Variants in PRKCA observed in about 807,000 individuals in gnomAD.
PRKCA encodes protein kinase C alpha type.
Under a neutral mutation model 87.0 loss-of-function variants are expected in PRKCA, and 27 were observed. The observed-to-expected ratio is 0.31, with a 90% CI of 0.23 to 0.43. PRKCA has a LOEUF of 0.43. PRKCA is among the 20% of genes least tolerant of loss of function. PRKCA has a pLI of 1.00. For missense variants in PRKCA, 518 were observed against 852.3 expected, an observed-to-expected ratio of 0.61 and a Z score of 4.88; for synonymous variants, 329 against 311.1, an observed-to-expected ratio of 1.06 and a Z score of -0.61.
At chr17:66,768,224 G>A (rs773054096) in intron 13 of PRKCA, among the ~76,000 whole-genome samples, 25 of 151,182 alleles carry the variant, frequency 1.7e-4, no homozygotes, top group Admixed American at 5.9e-4. Context: ...GATTACAAGC[G>A]TGAGCCACCA....
intron 2 of PRKCA, among the ~76,000 whole-genome samples, chr17:66,489,391 A>G (rs1037981812): frequency 1.6e-5 from 2 of 128,270 alleles, no homozygotes; most frequent in South Asian, 2.5e-4. Flanking sequence ...ATATATATAT[A>G]TATATTTCCC....
intron 2 of PRKCA, among the ~76,000 whole-genome samples, chr17:66,494,001 T>C (rs9891007): frequency 0.032 from 4,896 of 152,306 alleles, 219 homozygotes; most frequent in African/African-American, 0.1. Flanking sequence ...TGTTACTCTT[T>C]GTTCAGAACC....
intron 2 of PRKCA, among the ~76,000 whole-genome samples, chr17:66,446,275 A>C (rs1914034006): frequency 6.6e-6 from 1 of 152,012 alleles, no homozygotes; most frequent in Non-Finnish European, 1.5e-5. Flanking sequence ...ATTCACACTC[A>C]CACTCCCACC....
chr17:66,781,509 T>C (rs1975212808), intron 14 of PRKCA, among the ~76,000 whole-genome samples: 1 of 152,138 alleles, frequency 6.6e-6, no homozygotes, highest in Non-Finnish European at 1.5e-5. Context: ...CGGTTGTTTG[T>C]TTCCACAGCA....
chr17:66,653,506 G>A lies in PRKCA; in HGVS notation c.529+7995G>A, dbSNP rs562523793. Reference sequence around the variant, plus strand: ...CTCAGGAGGCTGAGGCAGAAGGATCGCTTGAACCCAGGAGTTCGAGGTAAC... The same window carrying A: ...CTCAGGAGGCTGAGGCAGAAGGATCACTTGAACCCAGGAGTTCGAGGTAAC... On this transcript the variant is annotated intron_variant, in intron 5 of 16. Coordinates refer to ENST00000413366, the MANE Select transcript of PRKCA (RefSeq NM_002737.3). Among the ~76,000 whole-genome samples, 14 of 152,266 alleles carry A rather than the reference G, an allele frequency of 9.2e-5. No individual in the cohort carries two copies. The East Asian group carries it at 1.9e-3, about 21-fold the overall frequency.
intron 14 of PRKCA, among the ~76,000 whole-genome samples, chr17:66,779,863 G>C (rs947043690): frequency 2.0e-5 from 3 of 152,188 alleles, no homozygotes; most frequent in African/African-American, 2.4e-5. Flanking sequence ...CATGGGAATG[G>C]GGGAAAGAGG....
chr17:66,548,680 C>T (rs1346869790), intron 3 of PRKCA, among the ~76,000 whole-genome samples: 2 of 152,072 alleles, frequency 1.3e-5, no homozygotes, highest in African/African-American at 2.4e-5. Flanking sequence ...TCTGCATGGG[C>T]CCTAAATGCC....
chr17:66,431,898 C>T (rs73333345), intron 2 of PRKCA, among the ~76,000 whole-genome samples: 1,702 of 152,192 alleles, frequency 0.011, 30 homozygotes, highest in African/African-American at 0.038. Flanking sequence ...CCTGAGGACC[C>T]GTCCCATGGA....
intron 2 of PRKCA, among the ~76,000 whole-genome samples, chr17:66,452,467 T>C (rs1914373467): frequency 6.6e-6 from 1 of 152,174 alleles, no homozygotes; most frequent in African/African-American, 2.4e-5. Context: ...ATAGCGAGAA[T>C]AAGGATCTGC....
intron 3 of PRKCA, among the ~76,000 whole-genome samples, chr17:66,624,639 A>G (rs968605994): frequency 3.9e-5 from 6 of 151,976 alleles, no homozygotes; most frequent in African/African-American, 7.2e-5. Flanking sequence ...CCTCTCTACT[A>G]AAAATACAAA....
At chr17:66,378,305 C>T (rs1909587245) in intron 2 of PRKCA, among the ~76,000 whole-genome samples, 1 of 152,134 alleles carries the variant, frequency 6.6e-6, no homozygotes. Flanking sequence ...CAGAGCGAGA[C>T]TCTGTATCAA....
intron 3 of PRKCA, among the ~76,000 whole-genome samples, chr17:66,577,471 A>G (rs2143437930): frequency 6.6e-6 from 1 of 152,180 alleles, no homozygotes; most frequent in Non-Finnish European, 1.5e-5. Flanking sequence ...AGTCCTCCAT[A>G]GCAGCCAGGA....
chr17:66,686,714 C>G (rs536274481), intron 5 of PRKCA, among the ~76,000 whole-genome samples: 1 of 152,218 alleles, frequency 6.6e-6, no homozygotes, highest in Admixed American at 6.5e-5. Flanking sequence ...TTGGGCTGGT[C>G]GCTTCCATGC....
At chr17:66,690,689 T>G (rs931674827) in intron 8 of PRKCA, among the ~76,000 whole-genome samples, 1 of 151,718 alleles carries the variant, frequency 6.6e-6, no homozygotes, top group Non-Finnish European at 1.5e-5. Flanking sequence ...TTAGCCGGGT[T>G]TGGTGGCATG....
chr17:66,373,403 G>A (rs989243359), intron 2 of PRKCA, among the ~76,000 whole-genome samples: 3 of 152,168 alleles, frequency 2.0e-5, no homozygotes, highest in African/African-American at 7.2e-5. Context: ...CGTACAGCCT[G>A]TAAATGTTCC....
intron 3 of PRKCA, among the ~76,000 whole-genome samples, chr17:66,525,787 A>C (rs75416590): frequency 0.023 from 3,442 of 152,270 alleles, 125 homozygotes; most frequent in African/African-American, 0.078. Flanking sequence ...TCCTGACTTC[A>C]TGAATTAAAC....
chr17:66,605,837 T>C (rs1305461843), intron 3 of PRKCA, among the ~76,000 whole-genome samples: 1 of 152,226 alleles, frequency 6.6e-6, no homozygotes, highest in African/African-American at 2.4e-5. Flanking sequence ...GAAAGTCACA[T>C]ATTGTATGAT....
intron 3 of PRKCA, among the ~76,000 whole-genome samples, chr17:66,516,014 A>T (rs1020234475): frequency 6.6e-6 from 1 of 152,176 alleles, no homozygotes; most frequent in Admixed American, 6.5e-5. Flanking sequence ...ACTTGTGTTT[A>T]TTCAGTCATA....
intron 13 of PRKCA, among the ~76,000 whole-genome samples, chr17:66,761,327 G>A (rs1487596327): frequency 2.0e-5 from 3 of 148,484 alleles, no homozygotes; most frequent in Admixed American, 6.7e-5. Context: ...CCAAGATCAC[G>A]CCACTGCACT....
Sources: allele counts gnomAD v4.1 joint callset (sites outside exome capture counted in the v4.1 genomes callset), GRCh38; gene constraint gnomAD v4.1.1; transcripts MANE v1.5; gene names NCBI Gene and HGNC (gene_info 2026-07-23, HGNC 2026-07-21).